Variants in LGALS8 observed in about 807,000 individuals in gnomAD.
The protein encoded by LGALS8 is galectin 8, also known as galectin-8.
LGALS8 carries 30 observed loss-of-function variants against 35.9 expected under a neutral mutation model. That is an observed-to-expected ratio of 0.83 (90% CI 0.62 to 1.13). LGALS8 has a LOEUF of 1.13. Ranked by LOEUF, LGALS8 falls within the 50% of genes most tolerant of loss-of-function variation. LGALS8 has a pLI of 0.00. For missense variants in LGALS8, 366 were observed against 388.7 expected, an observed-to-expected ratio of 0.94 and a Z score of 0.49; for synonymous variants, 138 against 136.1, an observed-to-expected ratio of 1.01 and a Z score of -0.10.
chr1:236,548,203 C>T lies in LGALS8; in HGVS notation c.*42C>T, dbSNP rs1183264096. 6.4e-7 allele frequency: 1 copy of T among 1,562,684 alleles called. No homozygotes were observed. Among genetic ancestry groups the T allele is most frequent in the African/African-American group, 1.4e-5 (1 of 73,328 alleles). Reference sequence around the variant, plus strand: ...CTACAAAAACCAAAATACAGAATGGCTTCTGTGATACTGGCCTTGCTGAAA... The same window carrying T: ...CTACAAAAACCAAAATACAGAATGGTTTCTGTGATACTGGCCTTGCTGAAA... On this transcript the variant is annotated 3_prime_UTR_variant, in exon 10 of 10. Transcript: ENST00000366584.
At chr1:236,542,925 G>C (rs753418788) in intron 7 of LGALS8, 138 bp downstream of exon 7, 2 of 1,613,976 alleles carry the variant, frequency 1.2e-6, no homozygotes, top group African/African-American at 2.7e-5. Context: ...CCTAGTAATA[G>C]AGGAGGAGAC....
At chr1:236,538,692 CAG>C (rs1443553838) in intron 3 of LGALS8, among the ~76,000 whole-genome samples, 185 bp from the exon 4 acceptor site, 1 of 152,222 alleles carries the variant, frequency 6.6e-6, no homozygotes, top group Non-Finnish European at 1.5e-5. Flanking sequence ...AGTTCAAACT[CAG>C]GGGCTATTTT....
intron 2 of LGALS8, among the ~76,000 whole-genome samples, chr1:236,534,683 G>A (rs1265825041): frequency 6.6e-6 from 1 of 151,864 alleles, no homozygotes; most frequent in Non-Finnish European, 1.5e-5. Flanking sequence ...GAAAACTAAA[G>A]CAGCAAGTGG....
At chr1:236,532,806 T>C (rs996234968) in intron 2 of LGALS8, among the ~76,000 whole-genome samples, 1 of 152,134 alleles carries the variant, frequency 6.6e-6, no homozygotes, top group African/African-American at 2.4e-5. Flanking sequence ...ATCACGCCAT[T>C]GCACTCCAGC....
At chr1:236,521,681 AG>A (rs1660554102), upstream of LGALS8, among the ~76,000 whole-genome samples, 1 of 152,046 alleles carries the variant, frequency 6.6e-6, no homozygotes, top group African/African-American at 2.4e-5. Flanking sequence ...TACAAAACTT[AG>A]CTGGGCATGG....
chr1:236,543,228 C>T (rs912154979), intron 7 of LGALS8: 15 of 638,354 alleles, frequency 2.3e-5, no homozygotes, highest in Admixed American at 1.0e-4. Flanking sequence ...TCAGCACCTC[C>T]CTGCTTGGCT....
At chr1:236,525,844 T>A in intron 1 of LGALS8, 124 bp from the exon 2 acceptor site, 1 of 379,140 alleles carries the variant, frequency 2.6e-6, no homozygotes, top group Non-Finnish European at 4.7e-6. Context: ...GATCGTTGAT[T>A]GTAATAATAT....
chr1:236,544,531 GT>G (rs1553278248), intron 8 of LGALS8, among the ~76,000 whole-genome samples: 28 of 149,440 alleles, frequency 1.9e-4, no homozygotes, highest in Admixed American at 5.3e-4. Context: ...ATTTTAAAGG[GT>G]TTTTTTTTTC....
chr1:236,527,386 T>C (rs1171383461), intron 2 of LGALS8, among the ~76,000 whole-genome samples: 4 of 152,228 alleles, frequency 2.6e-5, no homozygotes, highest in Admixed American at 1.3e-4. Context: ...TCTGGAGAAG[T>C]AGTTCTGCGC....
At chr1:236,545,036 T>A in intron 9 of LGALS8, 121 bp downstream of exon 9, 1 of 733,114 alleles carries the variant, frequency 1.4e-6, no homozygotes, top group Non-Finnish European at 2.1e-6. Flanking sequence ...GTTTTTTGTT[T>A]ACTTGGAGAT....
chr1:236,525,264 C>T (rs939442136), intron 1 of LGALS8, among the ~76,000 whole-genome samples: 6 of 152,234 alleles, frequency 3.9e-5, no homozygotes, highest in East Asian at 1.9e-4. Context: ...CTTACTCTTT[C>T]GCTGTTTTAT....
intron 8 of LGALS8, among the ~76,000 whole-genome samples, chr1:236,544,251 C>G (rs1662219798): frequency 6.6e-6 from 1 of 152,188 alleles, no homozygotes; most frequent in African/African-American, 2.4e-5. Flanking sequence ...ACGCCCAGCC[C>G]AGGCAACATT....
rs1660832241 is a variant in LGALS8 at position 236,526,646 on chromosome 1, G to GA, written c.45+534dup. ...AATCCCTGAATGACTGTAATTGCTGGAAATTGCCCTGTAATCCTGAGCAGT... is the reference window on the plus strand; with the variant it reads ...AATCCCTGAATGACTGTAATTGCTGGAAAATTGCCCTGTAATCCTGAGCAGT... On this transcript the variant is annotated intron_variant, in intron 2 of 9. Transcript: ENST00000366584. This position sits in a 1 kb window ranked among gnomAD's most constrained non-coding sequence, Gnocchi z 4.6. Among the ~76,000 whole-genome samples, 1 of 152,140 alleles carries GA rather than the reference G, an allele frequency of 6.6e-6. No homozygotes were observed. The highest frequency in any genetic ancestry group is 1.5e-5 in the Non-Finnish European group (1 of 68,028).
At chr1:236,521,602 C>T (rs112530631), upstream of LGALS8, among the ~76,000 whole-genome samples, 9,677 of 152,036 alleles carry the variant, frequency 0.064, 333 homozygotes, top group Middle Eastern at 0.12. Context: ...CCGAGGCGGG[C>T]GGATCACTTG....
chr1:236,520,378 T>TAA (rs35603699), upstream of LGALS8, among the ~76,000 whole-genome samples: 7 of 142,510 alleles, frequency 4.9e-5, no homozygotes, highest in African/African-American at 1.8e-4. Flanking sequence ...ATCTTCTCTT[T>TAA]AAAAAAAAAA....
At chr1:236,518,921 T>C (rs1179549390), upstream of LGALS8, among the ~76,000 whole-genome samples, 1 of 152,172 alleles carries the variant, frequency 6.6e-6, no homozygotes, top group Non-Finnish European at 1.5e-5. Flanking sequence ...GCCAGAGTAT[T>C]CCTTAGCTTG....
intron 1 of LGALS8, chr1:236,524,515 A>C: frequency 2.3e-6 from 1 of 440,022 alleles, no homozygotes; most frequent in Non-Finnish European, 4.6e-6. Flanking sequence ...CCCTGCCTCT[A>C]ACACGCTCTT....
chr1:236,537,680 CTT>C, intron 3 of LGALS8, 95 bp downstream of exon 3: 1 of 908,774 alleles, frequency 1.1e-6, no homozygotes, highest in Admixed American at 2.0e-5. Flanking sequence ...CCATTTGATA[CTT>C]TGAGGCCCAA....
intron 4 of LGALS8, 42 bp downstream of exon 4, chr1:236,539,131 C>G (rs1406922854): frequency 6.9e-7 from 1 of 1,456,470 alleles, no homozygotes. Context: ...CATTAGTGAG[C>G]AGGAGTGCAC....
Sources: allele counts gnomAD v4.1 joint callset (sites outside exome capture counted in the v4.1 genomes callset), GRCh38; gene constraint gnomAD v4.1.1; non-coding constraint Gnocchi (gnomAD v3.1); transcripts MANE v1.5; gene names NCBI Gene and HGNC (gene_info 2026-07-23, HGNC 2026-07-21).